AKT3: variants seen among roughly 807,000 people sequenced by gnomAD.
AKT3 encodes the protein RAC-gamma serine/threonine-protein kinase.
AKT3 carries 15 observed loss-of-function variants against 65.3 expected under a neutral mutation model. The ratio of observed to expected loss-of-function variants is 0.23; its 90% CI spans 0.15 to 0.35. AKT3 has a LOEUF of 0.35. Among genes scored for constraint, AKT3 ranks in the 10% least tolerant of loss-of-function variants. The probability of loss-of-function intolerance (pLI) is 1.00; values close to 1 mark genes in which losing one functional copy is unlikely to be tolerated. For synonymous variants in AKT3, 206 were observed against 183.8 expected (o/e 1.12, Z -0.98); for missense variants, 243 against 576.5 (o/e 0.42, Z 5.92).
intron 12 of AKT3, among the ~76,000 whole-genome samples, chr1:243,525,314 G>C (rs184121236): frequency 1.5e-3 from 234 of 151,970 alleles, no homozygotes; most frequent in Non-Finnish European, 2.2e-3. Flanking sequence ...GAATTCAGAG[G>C]CACAAAATAC....
chr1:243,732,098 G>T (rs1687602022), intron 2 of AKT3, among the ~76,000 whole-genome samples: 2 of 152,046 alleles, frequency 1.3e-5, no homozygotes, highest in Middle Eastern at 3.4e-3. Context: ...ATATAAAATG[G>T]ACAACAGTGA....
intron 6 of AKT3, among the ~76,000 whole-genome samples, chr1:243,633,426 T>C (rs868593199): frequency 6.6e-6 from 1 of 152,166 alleles, no homozygotes; most frequent in Admixed American, 6.5e-5. Context: ...AAGAGACTCA[T>C]ACATTAAAAA....
At chr1:243,510,785 T>C (rs371224730) in intron 13 of AKT3, among the ~76,000 whole-genome samples, 3 of 152,218 alleles carry the variant, frequency 2.0e-5, no homozygotes, top group South Asian at 2.1e-4. Context: ...TGCAATGGGA[T>C]GGCACCGGAA....
rs866698570 is a variant in AKT3 at position 243,582,155 on chromosome 1, A to T, written c.697-9107T>A. ...TGAGAGAGAAGAAGAAAAAGTTAAC[A>T]ATGTGGAAAATATATTTGAGGAAAT... is the stretch of plus-strand genomic sequence containing the variant. On this transcript the variant is annotated intron_variant, in intron 8 of 13. Coordinates refer to ENST00000673466, the MANE Select transcript of AKT3 (RefSeq NM_005465.7). 2.6e-5 allele frequency among the ~76,000 whole-genome samples: 4 copies of T among 152,214 alleles called. No homozygotes were observed. In the Middle Eastern group the frequency reaches 0.01, roughly 388 times the overall value.
At chr1:243,523,336 G>C (rs1670849542) in intron 12 of AKT3, among the ~76,000 whole-genome samples, 1 of 147,690 alleles carries the variant, frequency 6.8e-6, no homozygotes, top group African/African-American at 2.5e-5. Context: ...GATATCCAAG[G>C]CTCCCCTTGC....
intron 2 of AKT3, among the ~76,000 whole-genome samples, chr1:243,717,238 T>A (rs1686570631): frequency 6.6e-6 from 1 of 152,352 alleles, no homozygotes; most frequent in Non-Finnish European, 1.5e-5. Context: ...AACTTCCATA[T>A]AATTTCAATT....
At chr1:243,755,954 A>G (rs1255106608) in intron 2 of AKT3, among the ~76,000 whole-genome samples, 1 of 152,212 alleles carries the variant, frequency 6.6e-6, no homozygotes, top group Admixed American at 6.5e-5. Flanking sequence ...GTCAAGCCCA[A>G]TCAAGGAAGT....
At chr1:243,781,898 C>T (rs1558805443) in intron 2 of AKT3, among the ~76,000 whole-genome samples, 1 of 152,206 alleles carries the variant, frequency 6.6e-6, no homozygotes, top group Non-Finnish European at 1.5e-5. Context: ...TCACAGCTCA[C>T]TGCAGCCTCG....
chr1:243,686,760 C>T (rs541020049), intron 3 of AKT3, among the ~76,000 whole-genome samples: 29 of 141,682 alleles, frequency 2.0e-4, no homozygotes, highest in African/African-American at 7.6e-4. Flanking sequence ...TTCCACCTCC[C>T]GGGTTCAAGC....
At chr1:243,744,879 C>T (rs1359793006) in intron 2 of AKT3, among the ~76,000 whole-genome samples, 1 of 151,876 alleles carries the variant, frequency 6.6e-6, no homozygotes, top group Non-Finnish European at 1.5e-5. Flanking sequence ...TTCTCATCAC[C>T]ATGAGGGGAT....
At chr1:243,691,703 T>C (rs1233224041) in intron 3 of AKT3, among the ~76,000 whole-genome samples, 1 of 152,052 alleles carries the variant, frequency 6.6e-6, no homozygotes, top group African/African-American at 2.4e-5. Context: ...ATAGACAAAA[T>C]TATCTTGAGT....
At chr1:243,496,881 T>C (rs903440099), downstream of AKT3, among the ~76,000 whole-genome samples, 1 of 152,238 alleles carries the variant, frequency 6.6e-6, no homozygotes, top group African/African-American at 2.4e-5. Context: ...TTAGCAGCTG[T>C]GTGCCTGCAG....
intron 6 of AKT3, among the ~76,000 whole-genome samples, chr1:243,627,012 G>A (rs535669858): frequency 6.6e-6 from 1 of 152,166 alleles, no homozygotes; most frequent in African/African-American, 2.4e-5. Flanking sequence ...AAGAGATTTA[G>A]CACATGAATT....
chr1:243,523,260 A>AAC (rs547403507), intron 12 of AKT3, among the ~76,000 whole-genome samples: 13,202 of 126,326 alleles, frequency 0.1, 713 homozygotes, highest in Non-Finnish European at 0.12. Context: ...AAAAAGGACG[A>AAC]ACACACACAC....
intron 12 of AKT3, among the ~76,000 whole-genome samples, chr1:243,538,770 A>AG (rs1672098730): frequency 6.6e-6 from 1 of 151,964 alleles, no homozygotes; most frequent in African/African-American, 2.4e-5. Flanking sequence ...CTGAGGCAAG[A>AG]GGATTGCTTG....
intron 2 of AKT3, among the ~76,000 whole-genome samples, chr1:243,839,866 CAAAAAAAA>C (rs761747534): frequency 1.4e-5 from 1 of 72,672 alleles, no homozygotes; most frequent in Non-Finnish European, 2.9e-5. Flanking sequence ...GACTCCATCT[CAAAAAAAA>C]AAAAAAAACA....
chr1:243,843,639 G>C lies in AKT3; in HGVS notation c.-112-357C>G. On this transcript the variant is annotated intron_variant, in intron 1 of 13. Transcript: ENST00000673466. ...GCCCTAAATCCCTGTAATTTCAGAA[G>C]CAATTGTAAATTTTTTGTTTTTTTT... 6 of 866,226 alleles carry C rather than the reference G, an allele frequency of 6.9e-6. No homozygotes were observed. The South Asian group carries it at 3.2e-4, about 46-fold the overall frequency. The allele number at this position is 866,226 out of a possible 1,614,324, so 53.7% of individuals were successfully genotyped here.
intron 6 of AKT3, among the ~76,000 whole-genome samples, chr1:243,618,794 C>T (rs973501521): frequency 9.9e-5 from 15 of 152,038 alleles, no homozygotes; most frequent in Non-Finnish European, 1.9e-4. Flanking sequence ...CTCTATTACA[C>T]ACGATCTAAA....
At chr1:243,702,011 G>A (rs1025475359) in intron 2 of AKT3, among the ~76,000 whole-genome samples, 3 of 149,978 alleles carry the variant, frequency 2.0e-5, no homozygotes, top group Non-Finnish European at 4.4e-5. Context: ...AGAAAAAAAT[G>A]TATAGATTAC....
Sources: allele counts gnomAD v4.1 joint callset (sites outside exome capture counted in the v4.1 genomes callset), GRCh38; gene constraint gnomAD v4.1.1; transcripts MANE v1.5; gene names NCBI Gene and HGNC (gene_info 2026-07-23, HGNC 2026-07-21).